UBE2D2: variants seen among roughly 807,000 people sequenced by gnomAD.
The protein encoded by UBE2D2 is ubiquitin-conjugating enzyme E2 D2.
In UBE2D2, 2 loss-of-function variants were observed where a neutral mutation model predicts 24.2. The ratio of observed to expected loss-of-function variants is 0.08; its 90% CI spans 0.03 to 0.26. The LOEUF is 0.26. UBE2D2 is among the 10% of genes least tolerant of loss of function. UBE2D2 has a pLI of 1.00. For synonymous variants in UBE2D2, 58 were observed against 56.5 expected, an observed-to-expected ratio of 1.03 and a Z score of -0.12; for missense variants, 44 against 177.6, an observed-to-expected ratio of 0.25 and a Z score of 4.28.
At chr5:139,570,791 G>T (rs1009393970) in intron 1 of UBE2D2, among the ~76,000 whole-genome samples, 5 of 152,032 alleles carry the variant, frequency 3.3e-5, no homozygotes, top group Admixed American at 1.3e-4. Context: ...GACCTCAAGT[G>T]ATCCACCTGC....
chr5:139,532,692 G>A (rs535007338), intron 1 of UBE2D2, among the ~76,000 whole-genome samples: 41 of 151,642 alleles, frequency 2.7e-4, no homozygotes, highest in African/African-American at 9.4e-4. Context: ...TCACCATGTT[G>A]GCCACATTGG....
At chr5:139,608,803 G>C (rs1179661480) in intron 2 of UBE2D2, among the ~76,000 whole-genome samples, 3 of 152,140 alleles carry the variant, frequency 2.0e-5, no homozygotes, top group African/African-American at 7.2e-5. Context: ...TCTGATTTAA[G>C]GCCGGGCCTG....
intron 2 of UBE2D2, among the ~76,000 whole-genome samples, chr5:139,608,613 A>G (rs954526367): frequency 6.6e-6 from 1 of 151,764 alleles, no homozygotes; most frequent in Admixed American, 6.6e-5. Flanking sequence ...AAGAAGAAGA[A>G]GGGTATTCTT....
chr5:139,588,768 A>G (rs566897550), intron 1 of UBE2D2, among the ~76,000 whole-genome samples: 1 of 152,016 alleles, frequency 6.6e-6, no homozygotes, highest in Non-Finnish European at 1.5e-5. Flanking sequence ...CTGGAACCTG[A>G]TGTAACTTCT....
chr5:139,584,533 C>CTTTTTTTTTTT (rs10642044), intron 1 of UBE2D2, among the ~76,000 whole-genome samples: 4 of 133,066 alleles, frequency 3.0e-5, no homozygotes, highest in South Asian at 2.4e-4. Context: ...CTTTTCTTTT[C>CTTTTTTTTTTT]TTTTTTTTTT....
At chr5:139,555,061 T>C (rs1344963032) in intron 1 of UBE2D2, 1 of 152,412 alleles carries the variant, frequency 6.6e-6, no homozygotes, top group Non-Finnish European at 1.5e-5. Flanking sequence ...GTTTTTTTTT[T>C]TTGAGACAGG....
At chr5:139,594,661 A>G (rs767033536) in intron 1 of UBE2D2, among the ~76,000 whole-genome samples, 6 of 151,996 alleles carry the variant, frequency 3.9e-5, no homozygotes, top group Admixed American at 3.3e-4. Context: ...TGATCCACCC[A>G]CCTCGACCTC....
At chr5:139,596,748 T>TAAG (rs1431767741) in intron 1 of UBE2D2, among the ~76,000 whole-genome samples, 3 of 151,334 alleles carry the variant, frequency 2.0e-5, no homozygotes, top group African/African-American at 4.9e-5. Context: ...ATTAAAATAA[T>TAAG]AATAATAATA....
At chr5:139,535,123 C>T (rs1752651006) in intron 1 of UBE2D2, among the ~76,000 whole-genome samples, 1 of 148,556 alleles carries the variant, frequency 6.7e-6, no homozygotes, top group Non-Finnish European at 1.5e-5. Flanking sequence ...GCCTGGGTGA[C>T]AAAGTGAGAC....
At chr5:139,563,259 A>G (rs1753148023) in intron 1 of UBE2D2, among the ~76,000 whole-genome samples, 1 of 151,906 alleles carries the variant, frequency 6.6e-6, no homozygotes, top group Non-Finnish European at 1.5e-5. Flanking sequence ...GCTCAAAGAC[A>G]GTGTGGAATC....
Position 139,623,439 on chromosome 5 carries a change from A to C in UBE2D2, c.376A>C (p.Ile126Leu), listed in dbSNP as rs1201535508. The C allele has an allele frequency of 6.2e-7, 1 of 1,605,140 alleles. No individual in the cohort carries two copies. The highest frequency in any genetic ancestry group is 2.2e-5 in the East Asian group (1 of 44,668). ...DDPLVPEIAR[I>L]YKTDREKYNR... ...TCCTTTAGTGCCTGAGATTGCTCGG[A>C]TCTACAAAACAGATAGAGAAAAGTA... is the stretch of plus-strand genomic sequence containing the variant. The change falls in exon 6 of 7, where the codon ATC becomes CTC. Residue 126 changes from isoleucine (I) to leucine (L), a missense_variant. Physicochemically the swap from Ile to Leu is conservative, Grantham distance 5 (BLOSUM62 2). Coordinates refer to ENST00000398733, the MANE Select transcript of UBE2D2 (RefSeq NM_003339.3).
rs192786244 is a variant in UBE2D2, at chr5:139,614,702, C to T, written c.126C>T (p.Asp42=). The change falls in exon 4 of 7, where the codon GAC becomes GAT. Residue 42 remains aspartate, a synonymous_variant. Coordinates refer to ENST00000398733, the MANE Select transcript of UBE2D2 (RefSeq NM_003339.3). ...ACTTTTCTTGTTATCAACAGAATGA[C>T]AGTCCCTATCAGGGTGGAGTATTTT... ...HWQATIMGPN[D]SPYQGGVFFL... The T allele has an allele frequency of 1.2e-4, 201 of 1,613,872 alleles. No homozygotes were observed. The African/African-American group carries it at 2.1e-3, about 17-fold the overall frequency.
At chr5:139,569,865 TTTG>T (rs1420032673) in intron 1 of UBE2D2, among the ~76,000 whole-genome samples, 1 of 152,208 alleles carries the variant, frequency 6.6e-6, no homozygotes, top group Non-Finnish European at 1.5e-5. Context: ...CCTTTTTTCT[TTTG>T]TTCAAACAAT....
Position 139,626,847 on chromosome 5 carries a change from T to C in UBE2D2, c.*46T>C. On this transcript the variant is annotated 3_prime_UTR_variant, in exon 7 of 7. Transcript: ENST00000398733. The stretch of plus-strand genomic sequence containing the variant: ...CCTCTACAAATAAAGATAGGGGAAC[T>C]CTGAAAGAGAAAGTCCTTTTGATTT... 6.5e-7 allele frequency: 1 copy of C among 1,541,612 alleles called. No individual in the cohort carries two copies. Among genetic ancestry groups the C allele is most frequent in the Non-Finnish European group, 8.9e-7 (1 of 1,121,122 alleles).
intron 1 of UBE2D2, among the ~76,000 whole-genome samples, chr5:139,589,051 A>G (rs1479141664): frequency 2.0e-5 from 3 of 152,246 alleles, no homozygotes; most frequent in South Asian, 2.1e-4. Context: ...TTGGCCTCCC[A>G]AAGTGCTGAC....
At chr5:139,610,709 C>T (rs1246929615) in intron 2 of UBE2D2, among the ~76,000 whole-genome samples, 1 of 151,692 alleles carries the variant, frequency 6.6e-6, no homozygotes, top group Non-Finnish European at 1.5e-5. Context: ...CCCGTCTCTA[C>T]AGAAAATAGA....
rs553761829 is a variant in UBE2D2, at chr5:139,581,814, G to A, written c.25-18558G>A. 1.2e-3 allele frequency among the ~76,000 whole-genome samples: 184 copies of A among 151,898 alleles called. 1 individual carries two copies. The highest frequency in any genetic ancestry group is 3.4e-3 in the Middle Eastern group (1 of 294). On this transcript the variant is annotated intron_variant, in intron 1 of 6. Coordinates refer to ENST00000398733, the MANE Select transcript of UBE2D2 (RefSeq NM_003339.3). ...CTCCCGAGTAGCTGGGATTACAGGC[G>A]CGCGCCACCATGCCTGGGTAGTTTT...
intron 1 of UBE2D2, among the ~76,000 whole-genome samples, chr5:139,584,115 C>G (rs923747979): frequency 6.6e-6 from 1 of 152,194 alleles, no homozygotes; most frequent in Non-Finnish European, 1.5e-5. Context: ...TCCAGTCTTG[C>G]AGACTTTGTT....
At chr5:139,573,322 A>AG (rs1045075216) in intron 1 of UBE2D2, among the ~76,000 whole-genome samples, 12 of 152,052 alleles carry the variant, frequency 7.9e-5, no homozygotes, top group Non-Finnish European at 1.6e-4. Flanking sequence ...AGAAAAAAAA[A>AG]AAAGTACTAT....
Sources: allele counts gnomAD v4.1 joint callset (sites outside exome capture counted in the v4.1 genomes callset), GRCh38; gene constraint gnomAD v4.1.1; transcripts MANE v1.5; gene names NCBI Gene and HGNC (gene_info 2026-07-23, HGNC 2026-07-21).